COL23A1: variants seen among roughly 807,000 people sequenced by gnomAD.
COL23A1 encodes the protein collagen alpha-1(XXIII) chain.
Under a neutral mutation model 99.3 loss-of-function variants are expected in COL23A1, and 97 were observed. The observed-to-expected ratio is 0.98, with a 90% CI of 0.83 to 1.16. COL23A1 has a LOEUF of 1.16. Among genes scored for constraint, COL23A1 ranks in the 50% most tolerant of loss-of-function variants. COL23A1 has a pLI of 0.00. For synonymous variants in COL23A1, 320 were observed against 308.2 expected, an observed-to-expected ratio of 1.04 and a Z score of -0.40; for missense variants, 762 against 757.4, an observed-to-expected ratio of 1.01 and a Z score of -0.07.
At chr5:178,348,122 CT>C (rs1487667679) in intron 2 of COL23A1, among the ~76,000 whole-genome samples, 3 of 152,004 alleles carry the variant, frequency 2.0e-5, no homozygotes, top group Non-Finnish European at 4.4e-5. Flanking sequence ...ACCCCCGCCC[CT>C]GTTCCCATCC....
intron 1 of COL23A1, among the ~76,000 whole-genome samples, chr5:178,570,125 T>TC (rs1763019504): frequency 6.6e-6 from 1 of 150,832 alleles, no homozygotes; most frequent in South Asian, 2.1e-4. Flanking sequence ...TTTTTTTTTT[T>TC]CCTTTGAAAC....
intron 2 of COL23A1, among the ~76,000 whole-genome samples, chr5:178,341,727 C>G (rs2127663022): frequency 6.6e-6 from 1 of 152,148 alleles, no homozygotes; most frequent in Admixed American, 6.5e-5. Flanking sequence ...ACCTCGTCTC[C>G]CACTCACCTC....
At chr5:178,533,797 G>A (rs1268343266) in intron 2 of COL23A1, among the ~76,000 whole-genome samples, 1 of 152,050 alleles carries the variant, frequency 6.6e-6, no homozygotes, top group Non-Finnish European at 1.5e-5. Context: ...ACACCCAGCC[G>A]TTTCCTTCCT....
intron 5 of COL23A1, among the ~76,000 whole-genome samples, chr5:178,276,025 G>A (rs957401758): frequency 6.6e-6 from 1 of 152,238 alleles, no homozygotes; most frequent in Non-Finnish European, 1.5e-5. Flanking sequence ...TACTAACGCA[G>A]CGGGCATTTG....
chr5:178,279,025 C>T (rs1756746686), intron 5 of COL23A1, among the ~76,000 whole-genome samples: 1 of 152,196 alleles, frequency 6.6e-6, no homozygotes, highest in Non-Finnish European at 1.5e-5. Context: ...TCATCATCCC[C>T]ATTTCACAGA....
Position 178,280,233 on chromosome 5 carries a change from C to T in COL23A1, c.441+8091G>A, listed in dbSNP as rs1016585420. Among the ~76,000 whole-genome samples the T allele has an allele frequency of 6.6e-6, 1 of 152,254 alleles. No homozygotes were observed. The highest frequency in any genetic ancestry group is 1.5e-5 in the Non-Finnish European group (1 of 68,048). On this transcript the variant is annotated intron_variant, in intron 5 of 28. Transcript: ENST00000390654. The surrounding 1 kb of genome is among the most constrained non-coding windows in gnomAD (Gnocchi z 4.9). ...TCGGGCCACAGCCTGGGCGATCAGC[C>T]AGGACGCTGGCCATTGAGGATGCAG...
chr5:178,388,495 C>CA (rs780668930), intron 2 of COL23A1, among the ~76,000 whole-genome samples: 15 of 152,260 alleles, frequency 9.9e-5, no homozygotes, highest in Non-Finnish European at 2.1e-4. Flanking sequence ...CGGCTCCTCC[C>CA]AAGTCCTGGA....
At position 178,439,284 on chromosome 5, in the gene COL23A1, G is replaced by A. The variant is rs1302350452; in HGVS notation, c.361+121398C>T. The A allele has an allele frequency of 1.3e-5, 2 of 152,132 alleles. No homozygotes were observed. The highest frequency in any genetic ancestry group is 4.8e-5 in the African/African-American group (2 of 41,404). 9.4% of individuals were successfully genotyped at this position (152,132 alleles called of 1,614,324 possible). ...TCATCGCAGTCCAGATGGAAGTCTT[G>A]CTCCCAAGTCACCTCCATCTTTTCT... On this transcript the variant is annotated intron_variant, in intron 2 of 28. Transcript: ENST00000390654. The surrounding 1 kb of genome is among the most constrained non-coding windows in gnomAD (Gnocchi z 4.2).
At chr5:178,585,874 G>A (rs990001827) in intron 1 of COL23A1, among the ~76,000 whole-genome samples, 2 of 152,210 alleles carry the variant, frequency 1.3e-5, no homozygotes, top group Admixed American at 6.5e-5. Context: ...TATGGCGATC[G>A]CATTACCCTT....
At chr5:178,259,699 C>G in intron 12 of COL23A1, 22 bp downstream of exon 12, 2 of 1,600,202 alleles carry the variant, frequency 1.2e-6, no homozygotes, top group African/African-American at 1.3e-5. Context: ...GACCCGGAAG[C>G]TCCTCCATTG....
intron 2 of COL23A1, among the ~76,000 whole-genome samples, chr5:178,321,134 G>A (rs1759278936): frequency 6.6e-6 from 1 of 152,216 alleles, no homozygotes; most frequent in Non-Finnish European, 1.5e-5. Context: ...AAAAACTGTG[G>A]TAGAATACAT....
rs1272143946 is a variant in COL23A1 at position 178,256,859 on chromosome 5, A to T, written c.837+7T>A. The T allele has an allele frequency of 5.6e-6, 9 of 1,612,286 alleles. No homozygotes were observed. The highest frequency in any genetic ancestry group is 7.6e-6 in the Non-Finnish European group (9 of 1,179,332). On this transcript the variant is annotated splice_region_variant and intron_variant, in intron 14 of 28. Transcript: ENST00000390654. ...GCAGGCGCCAGAGCAGAGAGCTCTC[A>T]TGTCACCTTCGGTCCTGGGGCACCG...
rs558990234 is a variant in COL23A1 at position 178,293,188 on chromosome 5, CAT to C, written c.407-2821_407-2820del. On this transcript the variant is annotated intron_variant, in intron 3 of 28. Coordinates refer to ENST00000390654, the MANE Select transcript of COL23A1 (RefSeq NM_173465.4). Reference sequence around the variant, plus strand: ...TTCTTTAGGATGAGAGACATGGCCACATGTTTGTAGGATGAGAGTGGTCCAGC... The same window carrying C: ...TTCTTTAGGATGAGAGACATGGCCACGTTTGTAGGATGAGAGTGGTCCAGC... 4.8e-3 allele frequency among the ~76,000 whole-genome samples: 729 copies of C among 151,878 alleles called. 6 individuals carry two copies. Among genetic ancestry groups the C allele is most frequent in the Non-Finnish European group, 8.0e-3 (545 of 67,956 alleles).
At chr5:178,523,161 TACATATATATATATATAC>T (rs1760058044) in intron 2 of COL23A1, among the ~76,000 whole-genome samples, 2 of 90,872 alleles carry the variant, frequency 2.2e-5, no homozygotes, top group Non-Finnish European at 4.8e-5. Context: ...TATATATATA[TACATATATATATATATAC>T]ACATATATAT....
intron 2 of COL23A1, among the ~76,000 whole-genome samples, chr5:178,560,405 CT>C (rs1762495705): frequency 1.3e-5 from 2 of 152,158 alleles, no homozygotes; most frequent in Non-Finnish European, 2.9e-5. Flanking sequence ...GGGCCAGCTG[CT>C]ACTTCCCTAC....
rs1227283505 is a variant in COL23A1 at position 178,290,369 on chromosome 5, C to T, written c.407G>A (p.Gly136Asp). ...ACAGTCCAGGACACTTACTGGAGGA[C>T]CTGCAAAACACAAGCAGAGAAGCCA... ...RGKPGRRGDP[G>D]PPGQSGRDGY... Residue 136 changes from glycine to aspartate, a missense_variant and splice_region_variant, in exon 4 of 29, where the codon GGT becomes GAT. By Grantham distance (94) the Gly-to-Asp change is moderately conservative (BLOSUM62 -1). Transcript: ENST00000390654. 1.2e-6 allele frequency: 2 copies of T among 1,613,966 alleles called. No individual in the cohort carries two copies. Among genetic ancestry groups the T allele is most frequent in the Non-Finnish European group, 1.7e-6 (2 of 1,180,036 alleles).
chr5:178,417,485 C>T (rs1435942987), intron 2 of COL23A1, among the ~76,000 whole-genome samples: 1 of 152,130 alleles, frequency 6.6e-6, no homozygotes, highest in African/African-American at 2.4e-5. Context: ...GAAATCACGC[C>T]CGCAACATTC....
chr5:178,313,991 C>G lies in COL23A1; in HGVS notation c.362-7072G>C, dbSNP rs887255383. The stretch of plus-strand genomic sequence containing the variant: ...CAAGGGAGCATTCTCTCTGCACATT[C>G]CCAGCTTGGCCTCACAAAGCCCTCT... On this transcript the variant is annotated intron_variant, in intron 2 of 28. Coordinates refer to ENST00000390654, the MANE Select transcript of COL23A1 (RefSeq NM_173465.4). The surrounding 1 kb of genome is among the most constrained non-coding windows in gnomAD (Gnocchi z 4.2). Among the ~76,000 whole-genome samples the G allele has an allele frequency of 1.3e-5, 2 of 152,080 alleles. No homozygotes were observed. Among genetic ancestry groups the G allele is most frequent in the African/African-American group, 4.8e-5 (2 of 41,396 alleles).
intron 8 of COL23A1, among the ~76,000 whole-genome samples, chr5:178,266,917 G>T (rs544773112): frequency 2.0e-5 from 3 of 152,380 alleles, no homozygotes; most frequent in African/African-American, 7.2e-5. Flanking sequence ...AAAGTGACTT[G>T]TTCAGGGTCA....
Sources: gnomAD v4.1 joint callset for allele counts (sites outside exome capture counted in the v4.1 genomes callset) on GRCh38, gnomAD v4.1.1 for gene constraint, Gnocchi (gnomAD v3.1) non-coding constraint, MANE v1.5 for transcripts, NCBI Gene and HGNC (gene_info 2026-07-23, HGNC 2026-07-21) for gene names.